Variants in LRMDA observed in about 807,000 individuals in gnomAD.
LRMDA encodes leucine-rich melanocyte differentiation-associated protein.
LRMDA carries 18 observed loss-of-function variants against 29.8 expected under a neutral mutation model. The ratio of observed to expected loss-of-function variants is 0.60; its 90% CI spans 0.42 to 0.90. The LOEUF (loss-of-function observed/expected upper bound fraction) is 0.90, where lower values mean the gene tolerates loss of function less well. Among genes scored for constraint, LRMDA ranks in the 40% least tolerant of loss-of-function variants. LRMDA has a pLI of 0.00. For missense variants in LRMDA, 273 were observed against 273.9 expected (o/e 1.00, Z 0.02); for synonymous variants, 125 against 109.4 (o/e 1.14, Z -0.89).
At chr10:75,761,010 G>C (rs1025820763) in intron 2 of LRMDA, among the ~76,000 whole-genome samples, 1 of 152,168 alleles carries the variant, frequency 6.6e-6, no homozygotes, top group African/African-American at 2.4e-5. Context: ...AATTCAATAA[G>C]AAATCTTACT....
At chr10:75,879,344 T>G (rs1209930503) in intron 2 of LRMDA, among the ~76,000 whole-genome samples, 6 of 152,144 alleles carry the variant, frequency 3.9e-5, no homozygotes, top group Non-Finnish European at 8.8e-5. Context: ...CCTTAGAAAC[T>G]CTCTCTTCCC....
chr10:76,121,497 T>C (rs1262904950), intron 5 of LRMDA, among the ~76,000 whole-genome samples: 1 of 152,190 alleles, frequency 6.6e-6, no homozygotes, highest in Non-Finnish European at 1.5e-5. Flanking sequence ...GATGGGGACA[T>C]GGCCCTGCCT....
intron 6 of LRMDA, among the ~76,000 whole-genome samples, chr10:76,405,636 A>T (rs999489049): frequency 1.3e-5 from 2 of 152,154 alleles, no homozygotes; most frequent in African/African-American, 2.4e-5. Flanking sequence ...AACTGACGGG[A>T]TGTGTTTGTA....
At chr10:76,110,897 T>C (rs1042376325) in intron 5 of LRMDA, among the ~76,000 whole-genome samples, 1 of 152,158 alleles carries the variant, frequency 6.6e-6, no homozygotes, top group Non-Finnish European at 1.5e-5. Flanking sequence ...TGCACCACCA[T>C]GCTTCACCTC....
At chr10:76,096,337 A>G (rs147418654) in intron 5 of LRMDA, among the ~76,000 whole-genome samples, 79 of 152,058 alleles carry the variant, frequency 5.2e-4, no homozygotes, top group African/African-American at 1.8e-3. Context: ...GTTTTTTTGT[A>G]TACAGATATT....
At chr10:76,311,414 C>A (rs1840628336) in intron 5 of LRMDA, among the ~76,000 whole-genome samples, 1 of 152,124 alleles carries the variant, frequency 6.6e-6, no homozygotes, top group South Asian at 2.1e-4. Context: ...TTTAGGTTTC[C>A]ATTTCACATT....
At chr10:75,846,529 A>G (rs567143435) in intron 2 of LRMDA, among the ~76,000 whole-genome samples, 1 of 152,304 alleles carries the variant, frequency 6.6e-6, no homozygotes, top group South Asian at 2.1e-4. Flanking sequence ...TAGCACTGGA[A>G]AGAAAGAAGC....
chr10:76,539,786 G>A (rs1355673068), intron 6 of LRMDA, among the ~76,000 whole-genome samples: 2 of 152,162 alleles, frequency 1.3e-5, no homozygotes, highest in Non-Finnish European at 2.9e-5. Flanking sequence ...GACTGATTAA[G>A]TGCTGTCTAT....
At chr10:76,218,707 C>T (rs544377467) in intron 5 of LRMDA, among the ~76,000 whole-genome samples, 3 of 152,250 alleles carry the variant, frequency 2.0e-5, no homozygotes, top group Non-Finnish European at 4.4e-5. Context: ...CCTCTGATGG[C>T]CTGTTGGTGG....
At chr10:76,413,917 T>C (rs796122220) in intron 6 of LRMDA, among the ~76,000 whole-genome samples, 4 of 152,310 alleles carry the variant, frequency 2.6e-5, no homozygotes, top group African/African-American at 9.6e-5. Flanking sequence ...GACAAAATCC[T>C]ATGAGGTTAG....
At chr10:76,148,659 C>G (rs1041378469) in intron 5 of LRMDA, among the ~76,000 whole-genome samples, 3 of 152,264 alleles carry the variant, frequency 2.0e-5, no homozygotes, top group Non-Finnish European at 2.9e-5. Context: ...CGATGCCTTC[C>G]CCTGCTACTG....
chr10:76,354,006 T>A (rs1841209594), intron 6 of LRMDA, among the ~76,000 whole-genome samples: 1 of 152,182 alleles, frequency 6.6e-6, no homozygotes, highest in Non-Finnish European at 1.5e-5. Flanking sequence ...GGGACTCATT[T>A]CTTTCCCCTT....
At chr10:75,724,606 C>G (rs542612089) in intron 2 of LRMDA, among the ~76,000 whole-genome samples, 1 of 152,092 alleles carries the variant, frequency 6.6e-6, no homozygotes, top group East Asian at 1.9e-4. Flanking sequence ...TTTGTCTTGC[C>G]GGCTTTTCTG....
At chr10:75,707,833 G>C (rs916301153) in intron 2 of LRMDA, among the ~76,000 whole-genome samples, 4 of 152,264 alleles carry the variant, frequency 2.6e-5, no homozygotes, top group Admixed American at 2.6e-4. Context: ...TGTTAGAGGT[G>C]GGGACGGGGA....
rs189954358 is a variant in LRMDA at position 75,552,286 on chromosome 10, C to T, written c.131+113792C>T. Among the ~76,000 whole-genome samples the T allele has an allele frequency of 6.1e-3, 922 of 152,144 alleles. 5 individuals carry two copies. The highest frequency in any genetic ancestry group is 0.054 in the Middle Eastern group (16 of 294). ...TCTTACCTTCATTTTTTAGCAGATACTTTCACTTGTATAGAATTCCATGTG... is the reference window on the plus strand; with the variant it reads ...TCTTACCTTCATTTTTTAGCAGATATTTTCACTTGTATAGAATTCCATGTG... On this transcript the variant is annotated intron_variant, in intron 2 of 6. Coordinates refer to ENST00000611255, the MANE Select transcript of LRMDA (RefSeq NM_001305581.2).
At chr10:75,857,892 C>G (rs1844854593) in intron 2 of LRMDA, among the ~76,000 whole-genome samples, 1 of 152,258 alleles carries the variant, frequency 6.6e-6, no homozygotes, top group Non-Finnish European at 1.5e-5. Context: ...AGGGCACACA[C>G]AGTTCTGTTT....
At chr10:75,672,953 T>C (rs1472556178) in intron 2 of LRMDA, among the ~76,000 whole-genome samples, 1 of 144,934 alleles carries the variant, frequency 6.9e-6, no homozygotes, top group African/African-American at 2.8e-5. Context: ...TAATCCAAAC[T>C]GTTTGCCTTT....
intron 5 of LRMDA, among the ~76,000 whole-genome samples, chr10:76,080,034 A>G (rs188995200): frequency 8.9e-4 from 136 of 152,230 alleles, no homozygotes; most frequent in African/African-American, 3.1e-3. Context: ...TAACTAGATC[A>G]GTGTATGTCT....
At chr10:76,163,214 A>G (rs926497110) in intron 5 of LRMDA, among the ~76,000 whole-genome samples, 1 of 152,086 alleles carries the variant, frequency 6.6e-6, no homozygotes, top group African/African-American at 2.4e-5. Context: ...TTGTTGATGG[A>G]TATTATCATT....
Sources: gnomAD v4.1 joint callset for allele counts (sites outside exome capture counted in the v4.1 genomes callset) on GRCh38, gnomAD v4.1.1 for gene constraint, MANE v1.5 for transcripts, NCBI Gene and HGNC (gene_info 2026-07-23, HGNC 2026-07-21) for gene names.